Variants in WIF1 observed in about 807,000 individuals in gnomAD.
WIF1 encodes Wnt inhibitory factor 1.
Under a neutral mutation model 53.5 loss-of-function variants are expected in WIF1, and 35 were observed. The observed-to-expected ratio is 0.65, with a 90% CI of 0.50 to 0.87. The LOEUF (loss-of-function observed/expected upper bound fraction) is 0.87. WIF1 is among the 40% of genes least tolerant of loss of function. WIF1 has a pLI of 0.00. For synonymous variants in WIF1, 171 were observed against 170.4 expected, an observed-to-expected ratio of 1.00 and a Z score of -0.03; for missense variants, 467 against 476.8, an observed-to-expected ratio of 0.98 and a Z score of 0.19.
rs922579432 is a variant in WIF1, at chr12:65,097,284, G to A, written c.289-19430C>T. ...AACATAGAGTCACAAGATGCAAGCC[G>A]TGCCATATTAAATTGATGTCTTTGC... On this transcript the variant is annotated intron_variant, in intron 2 of 9. Coordinates refer to ENST00000286574, the MANE Select transcript of WIF1 (RefSeq NM_007191.5). Among the ~76,000 whole-genome samples, 118 of 152,194 alleles carry A rather than the reference G, an allele frequency of 7.8e-4. 1 individual carries two copies. The highest frequency in any genetic ancestry group is 2.5e-3 in the African/African-American group (104 of 41,534).
chr12:65,098,017 T>C lies in WIF1; in HGVS notation c.289-20163A>G, dbSNP rs536776141. ...ACTCATCTCCAAGAATGAGCCAAAGTTATAAAACAAATTAAGAGAAGGACA... is the reference window on the plus strand; with the variant it reads ...ACTCATCTCCAAGAATGAGCCAAAGCTATAAAACAAATTAAGAGAAGGACA... On this transcript the variant is annotated intron_variant, in intron 2 of 9. Transcript: ENST00000286574. 1.7e-3 allele frequency among the ~76,000 whole-genome samples: 265 copies of C among 152,176 alleles called. 1 individual carries two copies. The highest frequency in any genetic ancestry group is 6.0e-3 in the African/African-American group (248 of 41,516).
Position 65,056,235 on chromosome 12 carries a change from G to A in WIF1, c.827-109C>T, listed in dbSNP as rs1882523891. ...TTTGAGAGGATAAGTGCTTTTAAATGGCAATTTTCATTTATTTCAGATCTA... is the reference window on the plus strand; with the variant it reads ...TTTGAGAGGATAAGTGCTTTTAAATAGCAATTTTCATTTATTTCAGATCTA... On this transcript the variant is annotated intron_variant, in intron 7 of 9. Coordinates refer to ENST00000286574, the MANE Select transcript of WIF1 (RefSeq NM_007191.5). 3 of 967,382 alleles carry A rather than the reference G, an allele frequency of 3.1e-6. No individual in the cohort carries two copies. The South Asian group carries it at 5.5e-5, about 18-fold the overall frequency. The allele number at this position is 967,382 out of a possible 1,614,324, so 59.9% of individuals were successfully genotyped here.
At chr12:65,055,022 A>G (rs1882501668) in intron 9 of WIF1, 96 bp downstream of exon 9, 1 of 1,290,812 alleles carries the variant, frequency 7.7e-7, no homozygotes, top group South Asian at 1.4e-5. Context: ...TGAAGCCAAG[A>G]AACCGAAGTG....
chr12:65,094,106 G>A lies in WIF1; in HGVS notation c.289-16252C>T, dbSNP rs566893613. On this transcript the variant is annotated intron_variant, in intron 2 of 9. Coordinates refer to ENST00000286574, the MANE Select transcript of WIF1 (RefSeq NM_007191.5). ...ACATAGCCGCTGAACTTTCTTAAAA[G>A]GCTATGAAACTTTTCACAGCTACTG... Among the ~76,000 whole-genome samples the A allele has an allele frequency of 7.2e-5, 11 of 152,188 alleles. 1 individual carries two copies. In the South Asian group the frequency reaches 2.1e-3, roughly 29 times the overall value.
chr12:65,118,472 T>C (rs1395407797), intron 2 of WIF1, among the ~76,000 whole-genome samples: 10 of 151,216 alleles, frequency 6.6e-5, no homozygotes, highest in African/African-American at 2.2e-4. Flanking sequence ...CTCACCACCC[T>C]TTCCCCAGAA....
At chr12:65,063,495 C>T (rs189847737) in intron 6 of WIF1, among the ~76,000 whole-genome samples, 1 of 151,984 alleles carries the variant, frequency 6.6e-6, no homozygotes, top group East Asian at 1.9e-4. Flanking sequence ...TATAGATGAA[C>T]AAAAGCTAAA....
chr12:65,077,998 C>A (rs1882891055), intron 2 of WIF1, 144 bp from the exon 3 acceptor site: 2 of 637,720 alleles, frequency 3.1e-6, no homozygotes, highest in Middle Eastern at 3.0e-4. Flanking sequence ...ACTGGGTAGG[C>A]ACAACTCACC....
chr12:65,120,937 T>A, intron 1 of WIF1, 107 bp downstream of exon 1: 6 of 1,313,502 alleles, frequency 4.6e-6, no homozygotes, highest in Non-Finnish European at 5.9e-6. Context: ...AACACTCTTT[T>A]GTGGAAATTA....
At chr12:65,100,040 A>C (rs1009427251) in intron 2 of WIF1, among the ~76,000 whole-genome samples, 1 of 152,204 alleles carries the variant, frequency 6.6e-6, no homozygotes, top group African/African-American at 2.4e-5. Flanking sequence ...TTATGAATAA[A>C]TGCATGTGCA....
At chr12:65,078,166 C>T (rs1882893643) in intron 2 of WIF1, among the ~76,000 whole-genome samples, 1 of 152,148 alleles carries the variant, frequency 6.6e-6, no homozygotes. Flanking sequence ...GCAACCTCTG[C>T]CTCCCAGGTT....
chr12:65,115,927 T>C lies in WIF1; in HGVS notation c.288+4490A>G, dbSNP rs142555869. On this transcript the variant is annotated intron_variant, in intron 2 of 9. Transcript: ENST00000286574. The stretch of plus-strand genomic sequence containing the variant: ...CCCATGAAAATCATTGGTGTTATCA[T>C]TTTGTTGAGTGATAAGTAGTGTAAA... Among the ~76,000 whole-genome samples the C allele has an allele frequency of 4.6e-3, 700 of 152,334 alleles. 3 individuals are homozygous for C. The highest frequency in any genetic ancestry group is 7.2e-3 in the Non-Finnish European group (490 of 68,028).
intron 4 of WIF1, 42 bp downstream of exon 4, chr12:65,068,722 C>A (rs1353007403): frequency 1.2e-6 from 2 of 1,604,430 alleles, no homozygotes; most frequent in Admixed American, 1.7e-5. Context: ...CACACCTAAG[C>A]CCTTACAACA....
At chr12:65,102,631 A>C (rs915990534) in intron 2 of WIF1, among the ~76,000 whole-genome samples, 1 of 152,214 alleles carries the variant, frequency 6.6e-6, no homozygotes, top group Non-Finnish European at 1.5e-5. Context: ...TCAAGTTGAC[A>C]CATAAAATTA....
intron 2 of WIF1, among the ~76,000 whole-genome samples, chr12:65,100,784 G>T (rs539952689): frequency 1.3e-5 from 2 of 152,092 alleles, no homozygotes; most frequent in African/African-American, 4.8e-5. Flanking sequence ...GCTTTGGGAG[G>T]CTGAGGTAAA....
At chr12:65,059,015 G>T (rs1395835255) in intron 7 of WIF1, among the ~76,000 whole-genome samples, 1 of 151,508 alleles carries the variant, frequency 6.6e-6, no homozygotes, top group East Asian at 1.9e-4. Context: ...TGGCGCCACT[G>T]CACTCCAGCC....
intron 2 of WIF1, among the ~76,000 whole-genome samples, chr12:65,099,584 G>T (rs1160653562): frequency 2.0e-5 from 3 of 152,166 alleles, no homozygotes; most frequent in African/African-American, 7.2e-5. Context: ...CTGAAACAGA[G>T]TCTTTACTCA....
At chr12:65,052,384 T>C (rs1882453658) in intron 9 of WIF1, among the ~76,000 whole-genome samples, 1 of 152,118 alleles carries the variant, frequency 6.6e-6, no homozygotes, top group Non-Finnish European at 1.5e-5. Flanking sequence ...CAGCAATGAG[T>C]TGGAGTAAAT....
intron 2 of WIF1, among the ~76,000 whole-genome samples, chr12:65,098,548 T>C (rs1228811499): frequency 2.0e-5 from 3 of 152,158 alleles, no homozygotes; most frequent in Non-Finnish European, 2.9e-5. Flanking sequence ...ATACCTACTA[T>C]GTCCTGGGCA....
intron 9 of WIF1, among the ~76,000 whole-genome samples, chr12:65,052,722 G>T (rs1412337811): frequency 6.6e-6 from 1 of 152,180 alleles, no homozygotes; most frequent in African/African-American, 2.4e-5. Flanking sequence ...GGCATGCAAT[G>T]CTTGGATTTG....
Sources: allele counts gnomAD v4.1 joint callset (sites outside exome capture counted in the v4.1 genomes callset), GRCh38; gene constraint gnomAD v4.1.1; transcripts MANE v1.5; gene names NCBI Gene and HGNC (gene_info 2026-07-23, HGNC 2026-07-21).